PTGIS: variants seen among roughly 807,000 people sequenced by gnomAD.
The protein encoded by PTGIS is prostacyclin synthase.
A neutral mutation model predicts 50.3 loss-of-function variants in PTGIS; 45 were observed. That is an observed-to-expected ratio of 0.90 (90% CI 0.70 to 1.15). The LOEUF (loss-of-function observed/expected upper bound fraction) is 1.15, where lower values mean the gene tolerates loss of function less well. Among genes scored for constraint, PTGIS ranks in the 50% most tolerant of loss-of-function variants. PTGIS has a pLI of 0.00. For missense variants in PTGIS, 668 were observed against 661.3 expected, an observed-to-expected ratio of 1.01 and a Z score of -0.11; for synonymous variants, 260 against 267.7, an observed-to-expected ratio of 0.97 and a Z score of 0.28.
At chr20:49,565,601 G>T (rs1601209202) in intron 1 of PTGIS, among the ~76,000 whole-genome samples, 1 of 152,214 alleles carries the variant, frequency 6.6e-6, no homozygotes, top group East Asian at 1.9e-4. Flanking sequence ...GGAGTTCAAG[G>T]CTCCAGTAAG....
chr20:49,536,806 A>T (rs1165614393), intron 5 of PTGIS, among the ~76,000 whole-genome samples: 2 of 151,978 alleles, frequency 1.3e-5, no homozygotes, highest in Non-Finnish European at 2.9e-5. Context: ...TTGTTACCTC[A>T]GCCAATTCTA....
chr20:49,519,264 C>G (rs1981583038), intron 6 of PTGIS, among the ~76,000 whole-genome samples: 2 of 152,132 alleles, frequency 1.3e-5, no homozygotes, highest in African/African-American at 4.8e-5. Context: ...CTCTCGATTC[C>G]AGGTTCAGGG....
chr20:49,529,879 G>A (rs1981889882), intron 5 of PTGIS, among the ~76,000 whole-genome samples: 1 of 152,132 alleles, frequency 6.6e-6, no homozygotes, highest in South Asian at 2.1e-4. Flanking sequence ...ATCAGGCCAG[G>A]CATGGTGGCT....
At chr20:49,552,126 T>G (rs575895912) in intron 1 of PTGIS, among the ~76,000 whole-genome samples, 125 of 152,146 alleles carry the variant, frequency 8.2e-4, no homozygotes, top group Non-Finnish European at 1.1e-3. Context: ...GATCTTAAAC[T>G]GATTGTTTTT....
chr20:49,520,038 C>T (rs990179892), intron 6 of PTGIS, among the ~76,000 whole-genome samples: 3 of 151,624 alleles, frequency 2.0e-5, no homozygotes, highest in Admixed American at 2.0e-4. Flanking sequence ...CAGGTTCTTC[C>T]TCTGCTCAGA....
chr20:49,517,838 G>T (rs922117411), intron 6 of PTGIS, among the ~76,000 whole-genome samples: 11 of 152,208 alleles, frequency 7.2e-5, no homozygotes, highest in African/African-American at 2.4e-4. Flanking sequence ...TTCCTTCAAA[G>T]AACCACCTCC....
Position 49,568,132 on chromosome 20 carries a change from G to GCTGGCGGGT in PTGIS, c.-17_-16insACCCGCCAG. ...CCCAAGCCATCGCGGGGCTGGCGGG[G>GCTGGCGGGT]CTGGCGGGGCTGGCGGGGCTGGCGG... On this transcript the variant is annotated 5_prime_UTR_variant, in exon 1 of 10. Transcript: ENST00000244043. 2 of 1,182,502 alleles carry GCTGGCGGGT rather than the reference G, an allele frequency of 1.7e-6. No homozygotes were observed. Among genetic ancestry groups the GCTGGCGGGT allele is most frequent in the South Asian group, 2.2e-5 (1 of 45,498 alleles). The allele number at this position is 1,182,502 out of a possible 1,614,324, so 73.3% of individuals were successfully genotyped here.
intron 1 of PTGIS, among the ~76,000 whole-genome samples, chr20:49,552,155 TC>T (rs1325561666): frequency 6.7e-6 from 1 of 149,484 alleles, no homozygotes; most frequent in Non-Finnish European, 1.5e-5. Flanking sequence ...TTATCTGATT[TC>T]TTTTTTTTTT....
intron 4 of PTGIS, 23 bp downstream of exon 4, chr20:49,544,282 G>A (rs897828569): frequency 9.9e-6 from 16 of 1,613,560 alleles, no homozygotes; most frequent in Non-Finnish European, 1.4e-5. Flanking sequence ...CCCAGCAGGA[G>A]GGTGGGGGCT....
At chr20:49,543,327 C>T (rs1462314597) in intron 4 of PTGIS, among the ~76,000 whole-genome samples, 2 of 152,156 alleles carry the variant, frequency 1.3e-5, no homozygotes, top group Admixed American at 1.3e-4. Flanking sequence ...GCTAGGTCCT[C>T]CTGCCTCCCT....
chr20:49,533,401 G>A (rs1280905913), intron 5 of PTGIS, among the ~76,000 whole-genome samples: 1 of 152,078 alleles, frequency 6.6e-6, no homozygotes, highest in Non-Finnish European at 1.5e-5. Context: ...CTTAGCTAGG[G>A]GGTCTGTTTA....
Position 49,548,023 on chromosome 20 carries a change from T to C in PTGIS, c.199-4A>G. The C allele has an allele frequency of 1.9e-6, 3 of 1,613,550 alleles. No homozygotes were observed. Among genetic ancestry groups the C allele is most frequent in the East Asian group, 4.5e-5 (2 of 44,872 alleles). On this transcript the variant is annotated splice_polypyrimidine_tract_variant and splice_region_variant and intron_variant, in intron 2 of 9. Transcript: ENST00000244043. ...CATACCTGCCCCCAACCAGTATCTG[T>C]GGGAAGTTGCCAGGGATAGAGTGAG... is the stretch of plus-strand genomic sequence containing the variant.
intron 9 of PTGIS, among the ~76,000 whole-genome samples, chr20:49,508,856 G>A (rs1055315615): frequency 3.9e-5 from 6 of 152,178 alleles, no homozygotes; most frequent in South Asian, 2.1e-4. Context: ...GCAGCCCTAC[G>A]GGGGATGTCA....
intron 5 of PTGIS, among the ~76,000 whole-genome samples, chr20:49,538,424 C>CAAAAAAT (rs1982138352): frequency 6.6e-6 from 1 of 151,726 alleles, no homozygotes; most frequent in Non-Finnish European, 1.5e-5. Flanking sequence ...AGACAAAAAA[C>CAAAAAAT]AAAAAATAAA....
rs751904291 is a variant in PTGIS at position 49,539,709 on chromosome 20, CAGGT to C, written c.530_533del (p.Tyr177Ter). 1.9e-6 allele frequency: 3 copies of C among 1,612,462 alleles called. No individual in the cohort carries two copies. Among genetic ancestry groups the C allele is most frequent in the Non-Finnish European group, 2.5e-6 (3 of 1,179,812 alleles). ...GCAGCGCCTCAATTCCGTAAAGAGT[CAGGT>C]AGCCGGCTCTGGGGGCGGCAGACAG... On this transcript the variant is annotated frameshift_variant, in exon 5 of 10. Transcript: ENST00000244043. LOFTEE classifies it high-confidence loss of function.
chr20:49,532,220 T>A (rs1981951454), intron 5 of PTGIS, among the ~76,000 whole-genome samples: 1 of 152,230 alleles, frequency 6.6e-6, no homozygotes, highest in African/African-American at 2.4e-5. Context: ...ATTTTTCTTT[T>A]TTAGTGTGTC....
At chr20:49,511,400 A>G (rs1174384022) in intron 8 of PTGIS, among the ~76,000 whole-genome samples, 3 of 152,214 alleles carry the variant, frequency 2.0e-5, no homozygotes, top group Non-Finnish European at 4.4e-5. Flanking sequence ...TGAAAAAAGC[A>G]AGTTTCAGAA....
chr20:49,549,605 T>C (rs1982452930), intron 2 of PTGIS, among the ~76,000 whole-genome samples: 1 of 152,158 alleles, frequency 6.6e-6, no homozygotes, highest in African/African-American at 2.4e-5. Flanking sequence ...ATAAATGAAT[T>C]GACAGATGTC....
At chr20:49,536,696 T>C (rs1982086097) in intron 5 of PTGIS, among the ~76,000 whole-genome samples, 1 of 152,076 alleles carries the variant, frequency 6.6e-6, no homozygotes, top group African/African-American at 2.4e-5. Flanking sequence ...TTGTCCAGGC[T>C]GGTCTTGAAC....
Sources: gnomAD v4.1 joint callset for allele counts (sites outside exome capture counted in the v4.1 genomes callset) on GRCh38, gnomAD v4.1.1 for gene constraint, MANE v1.5 for transcripts, NCBI Gene and HGNC (gene_info 2026-07-23, HGNC 2026-07-21) for gene names.